PGBD2: variants seen among roughly 807,000 people sequenced by gnomAD.
PGBD2 encodes piggyBac transposable element derived 2.
In PGBD2, 6 loss-of-function variants were observed where a neutral mutation model predicts 8.1. The observed-to-expected ratio is 0.74, with a 90% confidence interval of 0.40 to 1.46. The LOEUF (loss-of-function observed/expected upper bound fraction) is 1.46, where lower values mean the gene tolerates loss of function less well. Ranked by LOEUF, PGBD2 falls within the 40% of genes most tolerant of loss-of-function variation. PGBD2 has a pLI of 0.02. For missense variants in PGBD2, 802 were observed against 739.0 expected, an observed-to-expected ratio of 1.09 and a Z score of -0.99; for synonymous variants, 318 against 272.2, an observed-to-expected ratio of 1.17 and a Z score of -1.66.
At chr1:248,914,084 T>C in intron 2 of PGBD2, among the ~76,000 whole-genome samples, 1 of 152,206 alleles carries the variant, frequency 6.6e-6, no homozygotes, top group East Asian at 1.9e-4. Context: ...TGTGGTTATG[T>C]AGCACTAATG....
downstream of PGBD2, among the ~76,000 whole-genome samples, chr1:248,920,844 T>A (rs1662270012): frequency 6.6e-6 from 1 of 152,232 alleles, no homozygotes; most frequent in Admixed American, 6.5e-5. Flanking sequence ...TTCTAACTGG[T>A]GTGAGATGGT....
At chr1:248,879,162 G>A in the PGBD2 span, among the ~76,000 whole-genome samples, 1 of 152,134 alleles carries the variant, frequency 6.6e-6, no homozygotes, top group Non-Finnish European at 1.5e-5. Context: ...TGCTCACAGC[G>A]CCTGTTTAAT....
At chr1:248,894,679 TTCCCTCCC>T in the PGBD2 span, among the ~76,000 whole-genome samples, 85 of 144,700 alleles carry the variant, frequency 5.9e-4, no homozygotes, top group African/African-American at 2.0e-3. Context: ...TTTCCCTTTC[TTCCCTCCC>T]TCCCTCCCTC....
rs765878368 is a variant in PGBD2 at position 248,918,056 on chromosome 1, T to C, written c.1472T>C (p.Ile491Thr). The part of the protein sequence containing the change: ...KWYSSFIGYV[I>T]DAALNNAWQL... ...TACTCAAGCTTTATTGGCTATGTCA[T>C]TGATGCTGCCCTCAACAATGCATGG... The change falls in exon 3 of 3, where the codon ATT becomes ACT. Residue 491 changes from isoleucine (I) to threonine (T), a missense_variant. Physicochemically the swap from Ile to Thr is moderately conservative, Grantham distance 89. Transcript: ENST00000329291. 1 of 1,614,240 alleles carries C rather than the reference T, an allele frequency of 6.2e-7. No individual in the cohort carries two copies. Among genetic ancestry groups the C allele is most frequent in the Non-Finnish European group, 8.5e-7 (1 of 1,180,046 alleles).
the PGBD2 span, among the ~76,000 whole-genome samples, chr1:248,896,674 G>A: frequency 4.6e-5 from 7 of 152,186 alleles, no homozygotes; most frequent in African/African-American, 7.2e-5. Flanking sequence ...CTGATTAGAA[G>A]CAGCTGCAGT....
At position 248,917,303 on chromosome 1, in the gene PGBD2, A is replaced by T. The variant is rs749378808; in HGVS notation, c.719A>T (p.Asp240Val). 1 of 1,614,184 alleles carries T rather than the reference A, an allele frequency of 6.2e-7. No homozygotes were observed. Among genetic ancestry groups the T allele is most frequent in the South Asian group, 1.1e-5 (1 of 91,082 alleles). The change falls in exon 3 of 3, where the codon GAT becomes GTT. Residue 240 changes from aspartate (D) to valine (V), a missense_variant. Transcript: ENST00000329291. Reference sequence around the variant, plus strand: ...GATAACAACGAACTTGATGCAAGTGATAGGTTTGCCAAGGTCAGACCTCTC... The same window carrying T: ...GATAACAACGAACTTGATGCAAGTGTTAGGTTTGCCAAGGTCAGACCTCTC... Reference protein sequence around the residue: ...FADNNELDASDRFAKVRPLII... With the variant: ...FADNNELDASVRFAKVRPLII...
the PGBD2 span, among the ~76,000 whole-genome samples, chr1:248,900,826 A>G: frequency 6.6e-6 from 1 of 152,142 alleles, no homozygotes; most frequent in African/African-American, 2.4e-5. Flanking sequence ...TGACATGATC[A>G]TATATCTAGA....
At chr1:248,919,553 AG>A (rs1308596157), downstream of PGBD2, 3 of 167,042 alleles carry the variant, frequency 1.8e-5, no homozygotes, top group African/African-American at 7.2e-5. Context: ...AATAAACATG[AG>A]TTCAGATCTT....
At position 248,908,571 on chromosome 1, in the gene PGBD2, C is replaced by G. The variant is rs75104635; in HGVS notation, c.-48+2229C>G. Among the ~76,000 whole-genome samples the G allele has an allele frequency of 9.9e-3, 1,500 of 152,264 alleles. 28 individuals are homozygous for G. Among genetic ancestry groups the G allele is most frequent in the African/African-American group, 0.034 (1,421 of 41,534 alleles). ...CATAGGCCCCACCCTTTTGCCGTAGCCTTTTTGTCCATCTCCCTGCATCTA... is the reference window on the plus strand; with the variant it reads ...CATAGGCCCCACCCTTTTGCCGTAGGCTTTTTGTCCATCTCCCTGCATCTA... On this transcript the variant is annotated intron_variant, in intron 1 of 2. Transcript: ENST00000329291.
chr1:248,884,334 C>T, the PGBD2 span, among the ~76,000 whole-genome samples: 104 of 143,020 alleles, frequency 7.3e-4, no homozygotes, highest in Non-Finnish European at 8.4e-4. Context: ...TACAGTTTTT[C>T]GTTTTTGTTT....
chr1:248,875,757 G>A, the PGBD2 span, among the ~76,000 whole-genome samples: 1 of 152,142 alleles, frequency 6.6e-6, no homozygotes, highest in African/African-American at 2.4e-5. Context: ...CCAGGTCCAT[G>A]CACGTTTGTG....
the PGBD2 span, among the ~76,000 whole-genome samples, chr1:248,893,644 C>T: frequency 1.3e-5 from 2 of 152,162 alleles, no homozygotes; most frequent in Non-Finnish European, 2.9e-5. Flanking sequence ...TCTCAATGGA[C>T]ATTTATTTGG....
At chr1:248,888,464 T>C in the PGBD2 span, among the ~76,000 whole-genome samples, 1 of 152,234 alleles carries the variant, frequency 6.6e-6, no homozygotes, top group Non-Finnish European at 1.5e-5. Flanking sequence ...TGATATCTCA[T>C]TGTGGTTTTG....
rs1239837850 is a variant in PGBD2 at position 248,918,183 on chromosome 1, T to G, written c.1599T>G (p.Ser533=). ...VYLESNADTT[S]QGRRSRRLET... ...TGGAGAGCAATGCTGACACAACATC[T>G]CAAGGGAGGCGAAGCAGGCGGTTGG... The change falls in exon 3 of 3, where the codon TCT becomes TCG. Residue 533 remains serine, a synonymous_variant. Transcript: ENST00000329291. The G allele has an allele frequency of 2.4e-5, 38 of 1,613,964 alleles. No homozygotes were observed. Among genetic ancestry groups the G allele is most frequent in the Non-Finnish European group, 3.1e-5 (36 of 1,180,016 alleles).
At chr1:248,898,149 C>T in the PGBD2 span, among the ~76,000 whole-genome samples, 5,713 of 152,302 alleles carry the variant, frequency 0.038, 146 homozygotes, top group East Asian at 0.062. Flanking sequence ...CAGCCTTTCC[C>T]GCCTGCTGGC....
At chr1:248,889,171 G>A in the PGBD2 span, among the ~76,000 whole-genome samples, 2 of 152,184 alleles carry the variant, frequency 1.3e-5, no homozygotes, top group African/African-American at 4.8e-5. Context: ...CAGATCATGA[G>A]GTCAGGAGTT....
the PGBD2 span, among the ~76,000 whole-genome samples, chr1:248,878,531 C>T: frequency 1.3e-5 from 2 of 152,070 alleles, no homozygotes; most frequent in Non-Finnish European, 2.9e-5. Context: ...GGGGGTTGCT[C>T]TTATAAAGAC....
chr1:248,922,142 G>T (rs1662297878), downstream of PGBD2, among the ~76,000 whole-genome samples: 1 of 151,066 alleles, frequency 6.6e-6, no homozygotes, highest in South Asian at 2.1e-4. Flanking sequence ...TCACTGCAAG[G>T]TCCGCCTCCC....
At chr1:248,875,325 A>AG in the PGBD2 span, among the ~76,000 whole-genome samples, 31 of 145,516 alleles carry the variant, frequency 2.1e-4, no homozygotes, top group South Asian at 3.3e-3. Flanking sequence ...AAAAAAAAAA[A>AG]AAAGAAAAGA....
Sources: gnomAD v4.1 joint callset for allele counts (sites outside exome capture counted in the v4.1 genomes callset) on GRCh38, gnomAD v4.1.1 for gene constraint, MANE v1.5 for transcripts, NCBI Gene and HGNC (gene_info 2026-07-23, HGNC 2026-07-21) for gene names.